The following DISP3 variants were observed in gnomAD, a reference collection of about 807,000 sequenced individuals.
DISP3 encodes dispatched RND transporter family member 3, also known as protein dispatched homolog 3.
In DISP3, 101 loss-of-function variants were observed where a neutral mutation model predicts 135.3. That is an observed-to-expected ratio of 0.75 (90% CI 0.64 to 0.88). The LOEUF (loss-of-function observed/expected upper bound fraction) is 0.88, where lower values mean the gene tolerates loss of function less well. DISP3 is among the 40% of genes least tolerant of loss of function. The pLI is 0.00. For synonymous variants in DISP3, 856 were observed against 817.0 expected, an observed-to-expected ratio of 1.05 and a Z score of -0.81; for missense variants, 1,713 against 1,878.6, an observed-to-expected ratio of 0.91 and a Z score of 1.63.
chr1:11,495,206 AT>A (rs1641298288), intron 1 of DISP3, among the ~76,000 whole-genome samples: 1 of 152,152 alleles, frequency 6.6e-6, no homozygotes, highest in African/African-American at 2.4e-5. Flanking sequence ...CCTGGCCAAC[AT>A]GGTGAAACCC....
rs74055726 is a variant in DISP3, at chr1:11,531,081, C to T, written c.3229+48C>T. The T allele has an allele frequency of 6.2e-7, 1 of 1,606,394 alleles. No individual in the cohort carries two copies. Among genetic ancestry groups the T allele is most frequent in the Non-Finnish European group, 8.5e-7 (1 of 1,178,504 alleles). ...GTTCCTCCGAGGGAGGATGGACTGA[C>T]TGGGGAGGCACAGAGGCCGTGGTCC... is the stretch of plus-strand genomic sequence containing the variant. On this transcript the variant is annotated intron_variant, in intron 16 of 20. Coordinates refer to ENST00000294484, the MANE Select transcript of DISP3 (RefSeq NM_020780.2). This position sits in a 1 kb window ranked among gnomAD's most constrained non-coding sequence, Gnocchi z 5.2.
intron 1 of DISP3, among the ~76,000 whole-genome samples, chr1:11,492,359 A>G (rs1320487192): frequency 6.6e-6 from 1 of 152,076 alleles, no homozygotes; most frequent in South Asian, 2.1e-4. Flanking sequence ...CAGGTGATAT[A>G]TTGACCCAGG....
At chr1:11,528,680 G>T (rs935845784) in intron 13 of DISP3, among the ~76,000 whole-genome samples, 1 of 152,148 alleles carries the variant, frequency 6.6e-6, no homozygotes, top group African/African-American at 2.4e-5. Flanking sequence ...GACAGAACTC[G>T]GTGATACGCG....
In DISP3 at chr1:11,524,007, C is replaced by T. The variant is rs1046760108; in HGVS notation, c.2428C>T (p.Arg810Ter). Residue 810 changes from arginine (R) to a stop codon, truncating the protein, a stop_gained, in exon 11 of 21, where the codon CGA becomes TGA. Coordinates refer to ENST00000294484, the MANE Select transcript of DISP3 (RefSeq NM_020780.2). LOFTEE classifies it high-confidence loss of function. Reference sequence around the variant, plus strand: ...CCGGACGTCCCTGGAGAAGAAGAGGCGAGGCTCAGGGGTCCCCTGGGCTAG... The same window carrying T: ...CCGGACGTCCCTGGAGAAGAAGAGGTGAGGCTCAGGGGTCCCCTGGGCTAG... ...NIRTSLEKKR[R>*]GSGVPWASRP... The T allele has an allele frequency of 8.1e-6, 13 of 1,613,074 alleles. No individual in the cohort carries two copies. The highest frequency in any genetic ancestry group is 2.7e-5 in the African/African-American group (2 of 74,988).
At chr1:11,517,398 G>T (rs551737296) in intron 6 of DISP3, 65 bp from the exon 7 acceptor site, 1 of 1,591,790 alleles carries the variant, frequency 6.3e-7, no homozygotes, top group East Asian at 2.3e-5. Flanking sequence ...GCTGCAGGGG[G>T]CACCCAGGCC....
chr1:11,505,565 A>G (rs925989847), intron 3 of DISP3, among the ~76,000 whole-genome samples: 4 of 152,240 alleles, frequency 2.6e-5, no homozygotes, highest in African/African-American at 9.6e-5. Flanking sequence ...ACTTGACTTA[A>G]GCGCTTTTGG....
Position 11,519,972 on chromosome 1 carries a change from C to T in DISP3, c.2200+92C>T, listed in dbSNP as rs1642135211. On this transcript the variant is annotated intron_variant, in intron 9 of 20. Coordinates refer to ENST00000294484, the MANE Select transcript of DISP3 (RefSeq NM_020780.2). The surrounding 1 kb of genome is among the most constrained non-coding windows in gnomAD (Gnocchi z 4.3). ...AGCCCACCCCCTCTCGCAGATGCCC[C>T]AGGGTCAGAGGCCTGGGCTGGGGTC... is the stretch of plus-strand genomic sequence containing the variant. The T allele has an allele frequency of 3.7e-6, 5 of 1,335,538 alleles. No homozygotes were observed. Among genetic ancestry groups the T allele is most frequent in the Admixed American group, 2.0e-5 (1 of 49,000 alleles). 82.7% of individuals were successfully genotyped at this position (1,335,538 alleles called of 1,614,324 possible).
At chr1:11,487,431 T>G (rs922247325) in intron 1 of DISP3, among the ~76,000 whole-genome samples, 2 of 152,234 alleles carry the variant, frequency 1.3e-5, no homozygotes, top group African/African-American at 4.8e-5. Context: ...GAAGTTGCTC[T>G]GAGGCTCAGC....
intron 1 of DISP3, among the ~76,000 whole-genome samples, chr1:11,494,457 A>T (rs1291797449): frequency 6.6e-6 from 1 of 152,018 alleles, no homozygotes; most frequent in Non-Finnish European, 1.5e-5. Flanking sequence ...GGTCTCGGGG[A>T]AAGGTTTGGG....
rs75343596 is a variant in DISP3, at chr1:11,489,315, G to A, written c.-4+9943G>A. 3.0e-4 allele frequency among the ~76,000 whole-genome samples: 45 copies of A among 152,330 alleles called. No homozygotes were observed. The East Asian group carries it at 8.5e-3, about 29-fold the overall frequency. ...AAAGAAGAGTTTTGCAACATCTCTG[G>A]ACCCACAGATTGTGGTCTGGGCGGG... On this transcript the variant is annotated intron_variant, in intron 1 of 20. Transcript: ENST00000294484.
intron 1 of DISP3, among the ~76,000 whole-genome samples, chr1:11,489,417 C>A (rs541236292): frequency 1.3e-4 from 20 of 152,364 alleles, no homozygotes; most frequent in African/African-American, 4.8e-4. Flanking sequence ...CCTGCTGTGT[C>A]CCAGCAAAGC....
intron 1 of DISP3, among the ~76,000 whole-genome samples, chr1:11,492,851 T>C (rs990362142): frequency 5.9e-5 from 9 of 152,132 alleles, no homozygotes; most frequent in Non-Finnish European, 1.3e-4. Flanking sequence ...CCTTCCTCTA[T>C]GGATCTGGAA....
At chr1:11,505,826 A>T (rs1641682819) in intron 3 of DISP3, among the ~76,000 whole-genome samples, 1 of 152,196 alleles carries the variant, frequency 6.6e-6, no homozygotes, top group Admixed American at 6.5e-5. Flanking sequence ...ATTTATATTT[A>T]TTCACATATT....
chr1:11,531,081 C>CTG lies in DISP3; in HGVS notation c.3229+49_3229+50dup. 1 of 1,606,512 alleles carries CTG rather than the reference C, an allele frequency of 6.2e-7. No homozygotes were observed. Among genetic ancestry groups the CTG allele is most frequent in the Non-Finnish European group, 8.5e-7 (1 of 1,178,496 alleles). Reference sequence around the variant, plus strand: ...GTTCCTCCGAGGGAGGATGGACTGACTGGGGAGGCACAGAGGCCGTGGTCC... The same window carrying CTG: ...GTTCCTCCGAGGGAGGATGGACTGACTGTGGGGAGGCACAGAGGCCGTGGTCC... On this transcript the variant is annotated intron_variant, in intron 16 of 20. Coordinates refer to ENST00000294484, the MANE Select transcript of DISP3 (RefSeq NM_020780.2). The surrounding 1 kb of genome is among the most constrained non-coding windows in gnomAD (Gnocchi z 5.2).
chr1:11,482,821 T>G (rs1176159709), intron 1 of DISP3, among the ~76,000 whole-genome samples: 2 of 152,158 alleles, frequency 1.3e-5, no homozygotes, highest in African/African-American at 2.4e-5. Context: ...TGAAATCGTC[T>G]TCTTCTCTGT....
rs756508888 is a variant in DISP3, at chr1:11,534,429, C to T, written c.3424C>T (p.Arg1142Cys). Reference sequence around the variant, plus strand: ...CTTCCAGACCTACTCGGACTACCTGCGCTGGGAGAGCTTCCTCCAGCAGCA... The same window carrying T: ...CTTCCAGACCTACTCGGACTACCTGTGCTGGGAGAGCTTCCTCCAGCAGCA... ...SSFQTYSDYL[R>C]WESFLQQQLQ... Residue 1142 changes from arginine (R) to cysteine (C), a missense_variant, in exon 18 of 21, where the codon CGC becomes TGC. Arg to Cys is a radical substitution (Grantham distance 180). This residue lies in a region of DISP3 where 1,142 missense variants were observed against 1,384.6 expected (regional missense o/e 0.82). Transcript: ENST00000294484. 43 of 1,614,088 alleles carry T rather than the reference C, an allele frequency of 2.7e-5. No individual in the cohort carries two copies. Among genetic ancestry groups the T allele is most frequent in the African/African-American group, 2.5e-4 (19 of 74,942 alleles).
chr1:11,490,861 C>T (rs917175185), intron 1 of DISP3, among the ~76,000 whole-genome samples: 9 of 152,208 alleles, frequency 5.9e-5, no homozygotes, highest in Non-Finnish European at 8.8e-5. Flanking sequence ...AAATAAAGCA[C>T]CTCCCATGTG....
chr1:11,536,695 G>T lies in DISP3; in HGVS notation c.*9G>T. ...CAGGGGCCTCCCTATAGCCCGGGAC[G>T]GGCTCTGGACACTTGCACCTTTGGT... On this transcript the variant is annotated 3_prime_UTR_variant, in exon 21 of 21. Coordinates refer to ENST00000294484, the MANE Select transcript of DISP3 (RefSeq NM_020780.2). The surrounding 1 kb of genome is among the most constrained non-coding windows in gnomAD (Gnocchi z 4.3). The T allele has an allele frequency of 1.3e-6, 2 of 1,540,880 alleles. No individual in the cohort carries two copies. Among genetic ancestry groups the T allele is most frequent in the Non-Finnish European group, 1.7e-6 (2 of 1,145,192 alleles).
chr1:11,488,993 G>C (rs980856696), intron 1 of DISP3, among the ~76,000 whole-genome samples: 13 of 152,238 alleles, frequency 8.5e-5, no homozygotes, highest in African/African-American at 2.4e-4. Flanking sequence ...GGAAGAGAAA[G>C]GGCTCTGGCT....
Sources: allele counts gnomAD v4.1 joint callset (sites outside exome capture counted in the v4.1 genomes callset), GRCh38; gene constraint gnomAD v4.1.1; regional missense constraint gnomAD v4.1.1; non-coding constraint Gnocchi (gnomAD v3.1); transcripts MANE v1.5; gene names NCBI Gene and HGNC (gene_info 2026-07-23, HGNC 2026-07-21).